LEKR1: variants seen among roughly 807,000 people sequenced by gnomAD.
The protein encoded by LEKR1 is protein LEKR1.
In LEKR1, 59 loss-of-function variants were observed where a neutral mutation model predicts 72.4. The ratio of observed to expected loss-of-function variants is 0.82; its 90% CI spans 0.66 to 1.01. LEKR1 has a LOEUF of 1.01. Among genes scored for constraint, LEKR1 ranks in the 50% least tolerant of loss-of-function variants. LEKR1 has a pLI of 0.00. For synonymous variants in LEKR1, 257 were observed against 263.2 expected, an observed-to-expected ratio of 0.98 and a Z score of 0.23; for missense variants, 728 against 759.2, an observed-to-expected ratio of 0.96 and a Z score of 0.48.
At chr3:156,882,795 A>G (rs1334245583) in intron 3 of LEKR1, among the ~76,000 whole-genome samples, 3 of 152,146 alleles carry the variant, frequency 2.0e-5, no homozygotes, top group Admixed American at 6.5e-5. Flanking sequence ...AATGTGGCAC[A>G]TATACACCAT....
chr3:156,903,963 GGAAA>G (rs1722280356), intron 3 of LEKR1, among the ~76,000 whole-genome samples: 1 of 151,992 alleles, frequency 6.6e-6, no homozygotes, highest in Non-Finnish European at 1.5e-5. Context: ...AAGAGGGAGT[GGAAA>G]GAAACAGTTC....
chr3:157,024,835 GA>G lies in LEKR1; in HGVS notation c.1282del (p.Thr428GlnfsTer15). 6.2e-7 allele frequency: 1 copy of G among 1,611,646 alleles called. No individual in the cohort carries two copies. Among genetic ancestry groups the G allele is most frequent in the Non-Finnish European group, 8.5e-7 (1 of 1,178,656 alleles). On this transcript the variant is annotated frameshift_variant, in exon 11 of 13. Coordinates refer to ENST00000356539, the MANE Select transcript of LEKR1 (RefSeq NM_001004316.3). LOFTEE classifies it high-confidence loss of function. ...FEEQALLFKE[E>X]TKLQLDIEKE... Reference sequence around the variant, plus strand: ...AGAGCAAGCTCTTCTCTTTAAGGAAGAAACAAAATTGCAACTTGATATTGAA... The same window carrying G: ...AGAGCAAGCTCTTCTCTTTAAGGAAGAACAAAATTGCAACTTGATATTGAA...
intron 6 of LEKR1, among the ~76,000 whole-genome samples, chr3:156,956,636 A>G (rs1379994248): frequency 6.6e-6 from 1 of 152,088 alleles, no homozygotes; most frequent in Non-Finnish European, 1.5e-5. Context: ...TATCCTAATT[A>G]TGGAGGGATA....
intron 10 of LEKR1, among the ~76,000 whole-genome samples, chr3:157,024,104 A>G (rs1577012069): frequency 6.6e-6 from 1 of 152,306 alleles, no homozygotes; most frequent in South Asian, 2.1e-4. Context: ...CATACTTCAT[A>G]TCAACGGCCC....
chr3:156,967,999 T>C (rs1248959186), intron 6 of LEKR1, among the ~76,000 whole-genome samples: 7 of 152,070 alleles, frequency 4.6e-5, no homozygotes, highest in Admixed American at 6.6e-5. Context: ...GAATTTTCAA[T>C]CCAGAATTTC....
At chr3:157,025,644 G>A (rs1216124252) in intron 11 of LEKR1, among the ~76,000 whole-genome samples, 4 of 152,214 alleles carry the variant, frequency 2.6e-5, no homozygotes, top group African/African-American at 9.6e-5. Flanking sequence ...CCAGCTACAT[G>A]TGTACAACCA....
intron 6 of LEKR1, 96 bp downstream of exon 6, chr3:156,942,810 T>G: frequency 1.9e-6 from 1 of 529,082 alleles, no homozygotes; most frequent in Non-Finnish European, 2.9e-6. Flanking sequence ...AAATCTTGTT[T>G]TAATTATTTT....
chr3:156,868,306 T>C (rs1717535386), intron 3 of LEKR1, among the ~76,000 whole-genome samples: 1 of 152,100 alleles, frequency 6.6e-6, no homozygotes, highest in Admixed American at 6.6e-5. Context: ...TGAATCATAA[T>C]AATTTCCTAG....
intron 1 of LEKR1, among the ~76,000 whole-genome samples, chr3:156,828,169 A>C (rs535133598): frequency 2.0e-5 from 3 of 152,336 alleles, no homozygotes; most frequent in Non-Finnish European, 2.9e-5. Flanking sequence ...TTAAACAGCA[A>C]CTCACTGAAA....
chr3:157,016,794 A>T (rs367903176), intron 10 of LEKR1, among the ~76,000 whole-genome samples: 1 of 152,216 alleles, frequency 6.6e-6, no homozygotes, highest in East Asian at 1.9e-4. Context: ...AGAAGTGGAA[A>T]TATATTACTG....
chr3:156,953,664 C>T (rs1467594586), intron 6 of LEKR1, among the ~76,000 whole-genome samples: 1 of 151,876 alleles, frequency 6.6e-6, no homozygotes, highest in Non-Finnish European at 1.5e-5. Flanking sequence ...TAACAGCTTC[C>T]AGATCCATCC....
chr3:156,979,719 A>G (rs541651433), intron 7 of LEKR1: 4 of 152,624 alleles, frequency 2.6e-5, no homozygotes, highest in South Asian at 2.1e-4. Flanking sequence ...ATGCTGAAGT[A>G]CTTATGCTTG....
At chr3:156,986,358 G>T (rs928278627) in intron 7 of LEKR1, among the ~76,000 whole-genome samples, 3 of 152,152 alleles carry the variant, frequency 2.0e-5, no homozygotes, top group Non-Finnish European at 4.4e-5. Context: ...TTCAAGAATG[G>T]ACTGGAGTAG....
chr3:156,990,844 T>C (rs1391583598), intron 7 of LEKR1, among the ~76,000 whole-genome samples: 2 of 152,184 alleles, frequency 1.3e-5, no homozygotes, highest in African/African-American at 4.8e-5. Flanking sequence ...TTGAAATCAG[T>C]TATTTCTATG....
chr3:156,853,098 A>G (rs957264399), intron 3 of LEKR1, 116 bp downstream of exon 3: 2 of 460,840 alleles, frequency 4.3e-6, no homozygotes, highest in African/African-American at 2.0e-5. Flanking sequence ...TTATACTTTA[A>G]TGCATTTGTT....
At chr3:156,830,839 A>T (rs184938579) in intron 2 of LEKR1, among the ~76,000 whole-genome samples, 4 of 152,334 alleles carry the variant, frequency 2.6e-5, no homozygotes, top group African/African-American at 9.6e-5. Flanking sequence ...GTTTGGCATA[A>T]AAAAGAAAAA....
At chr3:156,957,575 C>T (rs1178388898) in intron 6 of LEKR1, among the ~76,000 whole-genome samples, 1 of 151,630 alleles carries the variant, frequency 6.6e-6, no homozygotes, top group Non-Finnish European at 1.5e-5. Context: ...CTGTAATTAG[C>T]CACAGTTTTT....
intron 2 of LEKR1, among the ~76,000 whole-genome samples, chr3:156,835,153 G>C (rs1435056757): frequency 6.6e-6 from 1 of 152,102 alleles, no homozygotes; most frequent in Non-Finnish European, 1.5e-5. Context: ...TGTCAGCTAG[G>C]CAACTCTAAA....
intron 3 of LEKR1, among the ~76,000 whole-genome samples, chr3:156,864,024 A>G (rs1434985474): frequency 6.6e-6 from 1 of 152,072 alleles, no homozygotes; most frequent in African/African-American, 2.4e-5. Context: ...CCACATTTTA[A>G]ACTAAAGTGA....
Sources: gnomAD v4.1 joint callset for allele counts (sites outside exome capture counted in the v4.1 genomes callset) on GRCh38, gnomAD v4.1.1 for gene constraint, MANE v1.5 for transcripts, NCBI Gene and HGNC (gene_info 2026-07-23, HGNC 2026-07-21) for gene names.